The following CDC42BPG variants were observed in gnomAD, a reference collection of about 807,000 sequenced individuals.
CDC42BPG encodes the protein CDC42 binding protein kinase gamma.
A neutral mutation model predicts 192.2 loss-of-function variants in CDC42BPG; 157 were observed. The observed-to-expected ratio is 0.82, with a 90% CI of 0.72 to 0.93. The LOEUF (loss-of-function observed/expected upper bound fraction) is 0.93, where lower values mean the gene tolerates loss of function less well. Among genes scored for constraint, CDC42BPG ranks in the 40% least tolerant of loss-of-function variants. The pLI, the probability that CDC42BPG is intolerant of heterozygous loss-of-function variation, is 0.00. For missense variants in CDC42BPG, 1,992 were observed against 2,122.1 expected (o/e 0.94, Z 1.20); for synonymous variants, 981 against 918.5 (o/e 1.07, Z -1.23).
At chr11:64,843,465 T>A (rs1248111336) in intron 1 of CDC42BPG, among the ~76,000 whole-genome samples, 1 of 151,954 alleles carries the variant, frequency 6.6e-6, no homozygotes, top group Non-Finnish European at 1.5e-5. Flanking sequence ...AGGGGACAAC[T>A]CCCTGGCACA....
At chr11:64,831,108 C>T (rs1942663926) in intron 28 of CDC42BPG, among the ~76,000 whole-genome samples, 1 of 152,120 alleles carries the variant, frequency 6.6e-6, no homozygotes, top group Non-Finnish European at 1.5e-5. Flanking sequence ...ATCCCAGCTA[C>T]TCTGGAGGCT....
chr11:64,844,412 C>G lies in CDC42BPG; in HGVS notation c.158G>C (p.Trp53Ser). Residue 53 changes from tryptophan to serine, a missense_variant and splice_region_variant, in exon 1 of 37, where the codon TGG becomes TCG. Trp to Ser is a radical substitution (Grantham distance 177). Around this residue, in one of 2 missense-constraint regions of CDC42BPG, gnomAD observed 1,656 missense variants for 1,844.3 expected, o/e 0.90. Transcript: ENST00000342711. Reference protein sequence around the residue: ...RERSVAQFLSWASPFVSKVKE... With the variant: ...RERSVAQFLSSASPFVSKVKE... Reference sequence around the variant, plus strand: ...CTCCGTGCCGCCCCGCCACTCACCCCAGCTCAGGAACTGCGCCACGCTGCG... The same window carrying G: ...CTCCGTGCCGCCCCGCCACTCACCCGAGCTCAGGAACTGCGCCACGCTGCG... 2 of 1,464,728 alleles carry G rather than the reference C, an allele frequency of 1.4e-6. No homozygotes were observed. Among genetic ancestry groups the G allele is most frequent in the Middle Eastern group, 2.4e-4 (1 of 4,112 alleles). 90.7% of individuals were successfully genotyped at this position (1,464,728 alleles called of 1,614,324 possible). A position where few individuals can be genotyped will look rare whatever the true frequency, so the allele number is the denominator to read the frequency against.
Position 64,836,711 on chromosome 11 carries a change from G to GGGGC in CDC42BPG, c.1384+27_1384+28insGCCC, listed in dbSNP as rs1555173140. The GGGGC allele has an allele frequency of 6.4e-5, 39 of 608,652 alleles. 2 individuals carry two copies. The highest frequency in any genetic ancestry group is 8.9e-5 in the Non-Finnish European group (36 of 406,104). 37.7% of individuals were successfully genotyped at this position (608,652 alleles called of 1,614,324 possible). Reference sequence around the variant, plus strand: ...GCCCAGGTGGGACTCAGCCCTGGGGGGGGGGGGGGGGTGGGCGGAAGGGAT... The same window carrying GGGGC: ...GCCCAGGTGGGACTCAGCCCTGGGGGGGGCGGGGGGGGGGGTGGGCGGAAGGGAT... On this transcript the variant is annotated intron_variant, in intron 11 of 36. Transcript: ENST00000342711.
At position 64,824,100 on chromosome 11, in the gene CDC42BPG, C is replaced by T. The variant is rs1311572154; in HGVS notation, c.*373G>A. On this transcript the variant is annotated 3_prime_UTR_variant, in exon 37 of 37. Transcript: ENST00000342711. ...GAGTCAGACAGTCCACAGATAAGAC[C>T]TCCAACCTGTTCCCAGAGACCCAGT... 3 of 327,352 alleles carry T rather than the reference C, an allele frequency of 9.2e-6. No homozygotes were observed. Among genetic ancestry groups the T allele is most frequent in the Admixed American group, 4.5e-5 (1 of 22,248 alleles). 20.3% of individuals were successfully genotyped at this position (327,352 alleles called of 1,614,324 possible).
In CDC42BPG at chr11:64,826,808, G is replaced by A; in HGVS notation, c.4390-14C>T. Reference sequence around the variant, plus strand: ...CTCTTCGGGAGCCTGTTGGGTGACAGTGCGGAGGGGCTGGGACTAGCAGGC... The same window carrying A: ...CTCTTCGGGAGCCTGTTGGGTGACAATGCGGAGGGGCTGGGACTAGCAGGC... On this transcript the variant is annotated splice_polypyrimidine_tract_variant and intron_variant, in intron 34 of 36. Coordinates refer to ENST00000342711, the MANE Select transcript of CDC42BPG (RefSeq NM_017525.3). 2 of 1,485,228 alleles carry A rather than the reference G, an allele frequency of 1.3e-6. No homozygotes were observed. The highest frequency in any genetic ancestry group is 2.8e-5 in the South Asian group (2 of 72,672). 92.0% of individuals were successfully genotyped at this position (1,485,228 alleles called of 1,614,324 possible).
rs987430462 is a variant in CDC42BPG, at chr11:64,831,548, G to A, written c.3261C>T (p.Asn1087=). The A allele has an allele frequency of 1.7e-5, 28 of 1,611,794 alleles. No individual in the cohort carries two copies. Among genetic ancestry groups the A allele is most frequent in the Middle Eastern group, 1.7e-4 (1 of 6,054 alleles). ...GCGTGTGAGGCAGCAGCGGCAGCCCGTTGTCGTAAGCCTCCTTGAGTGTGT... is the reference window on the plus strand; with the variant it reads ...GCGTGTGAGGCAGCAGCGGCAGCCCATTGTCGTAAGCCTCCTTGAGTGTGT... ...PVYTLKEAYD[N]GLPLLPHTLC... The change falls in exon 28 of 37, where the codon AAC becomes AAT. Residue 1087 remains asparagine (N), a synonymous_variant. Transcript: ENST00000342711.
chr11:64,833,537 T>G (rs1942811013), intron 23 of CDC42BPG, 63 bp downstream of exon 23: 1 of 1,460,594 alleles, frequency 6.8e-7, no homozygotes, highest in African/African-American at 1.4e-5. Context: ...GTCCCCACAG[T>G]GCCCATTCAG....
rs145015629 is a variant in CDC42BPG, at chr11:64,833,803, C to T, written c.2500G>A (p.Glu834Lys). The T allele has an allele frequency of 6.2e-6, 10 of 1,614,134 alleles. No individual in the cohort carries two copies. The Admixed American group carries it at 1.0e-4, about 16-fold the overall frequency. ...GGCTCTCCTCCATGCCTTGTGGCCT[C>T]TCCTGAGATGCCAGGGTCCTTGGCA... ...DSAKDPGISGEATRHGGEPDL... is the reference protein window; with the variant it reads ...DSAKDPGISGKATRHGGEPDL... Residue 834 changes from glutamate to lysine, a missense_variant, in exon 22 of 37, where the codon GAG (glutamate) becomes AAG (lysine). By Grantham distance (56) the Glu-to-Lys change is moderately conservative (BLOSUM62 1). Around this residue, in one of 2 missense-constraint regions of CDC42BPG, gnomAD observed 1,656 missense variants for 1,844.3 expected, o/e 0.90. Transcript: ENST00000342711.
chr11:64,830,275 G>C lies in CDC42BPG; in HGVS notation c.3305-19C>G, dbSNP rs1942624588. On this transcript the variant is annotated intron_variant, in intron 28 of 36. Transcript: ENST00000342711. ...TCCTGGTCTGGTAGAGGGAGGCAGA[G>C]GGTCAGAGGTCAGCAGTCCCACTCA... is the stretch of plus-strand genomic sequence containing the variant. 11 of 1,592,204 alleles carry C rather than the reference G, an allele frequency of 6.9e-6. No homozygotes were observed. The highest frequency in any genetic ancestry group is 9.4e-6 in the Non-Finnish European group (11 of 1,168,488).
At position 64,831,579 on chromosome 11, in the gene CDC42BPG, G is replaced by A; in HGVS notation, c.3230C>T (p.Pro1077Leu). The A allele has an allele frequency of 2.5e-6, 4 of 1,612,602 alleles. No homozygotes were observed. In the South Asian group the frequency reaches 3.3e-5, roughly 13 times the overall value. The change falls in exon 28 of 37, where the codon CCC becomes CTC. Residue 1077 changes from proline (P) to leucine (L), a missense_variant. Physicochemically the swap from Pro to Leu is moderately conservative, Grantham distance 98 (BLOSUM62 -3). Transcript: ENST00000342711. Reference protein sequence around the residue: ...LLLDARPRPRPVYTLKEAYDN... With the variant: ...LLLDARPRPRLVYTLKEAYDN... ...GTAAGCCTCCTTGAGTGTGTACACG[G>A]GCCGGGGTCTTGGCCGCGCGTCCAG...
At position 64,838,125 on chromosome 11, in the gene CDC42BPG, C is replaced by A; in HGVS notation, c.1163G>T (p.Gly388Val). Residue 388 changes from glycine to valine, a missense_variant, in exon 9 of 37, where the codon GGC becomes GTC. Around this residue, in one of 2 missense-constraint regions of CDC42BPG, gnomAD observed 1,656 missense variants for 1,844.3 expected, o/e 0.90. Coordinates refer to ENST00000342711, the MANE Select transcript of CDC42BPG (RefSeq NM_017525.3). ...LPPPSHGAFS[G>V]HHLPFVGFTY... ...GAAGCCCACGAATGGCAGGTGATGG[C>A]CGGAGAAGGCCCCGTGGGAGGGCGG... 1 of 1,553,498 alleles carries A rather than the reference C, an allele frequency of 6.4e-7. No homozygotes were observed. The highest frequency in any genetic ancestry group is 1.4e-5 in the African/African-American group (1 of 73,388).
intron 2 of CDC42BPG, 37 bp from the exon 3 acceptor site, chr11:64,841,770 G>C (rs745459570): frequency 6.2e-7 from 1 of 1,612,820 alleles, no homozygotes. Context: ...AGCCCAGCCC[G>C]GTGTGAACAC....
chr11:64,824,386 G>C lies in CDC42BPG; in HGVS notation c.*87C>G, dbSNP rs1033643234. ...CCCTGAGTCCGAATTTCCATGTCCC[G>C]GACCAGCCGGAGTATGGCATTCCTC... On this transcript the variant is annotated 3_prime_UTR_variant, in exon 37 of 37. Transcript: ENST00000342711. 1.1e-5 allele frequency: 11 copies of C among 978,562 alleles called. No homozygotes were observed. In the East Asian group the frequency reaches 2.6e-4, roughly 23 times the overall value. 60.6% of individuals were successfully genotyped at this position (978,562 alleles called of 1,614,324 possible).
intron 9 of CDC42BPG, among the ~76,000 whole-genome samples, chr11:64,837,566 T>C (rs1943076446): frequency 6.6e-6 from 1 of 152,346 alleles, no homozygotes; most frequent in African/African-American, 2.4e-5. Context: ...GTTCAAGCGA[T>C]TCTCGCTGCC....
rs1315528156 is a variant in CDC42BPG at position 64,823,471 on chromosome 11, G to GCC, written c.*1000_*1001dup. On this transcript the variant is annotated 3_prime_UTR_variant, in exon 37 of 37. Coordinates refer to ENST00000342711, the MANE Select transcript of CDC42BPG (RefSeq NM_017525.3). The stretch of plus-strand genomic sequence containing the variant: ...ATTTGAGGAGATAAATACTTATTTT[G>GCC]CCCCCCACACTTCAGTGGGGGGAGG... The GCC allele has an allele frequency of 6.6e-6, 1 of 151,992 alleles. No individual in the cohort carries two copies. The highest frequency in any genetic ancestry group is 1.5e-5 in the Non-Finnish European group (1 of 67,996). The allele number at this position is 151,992 out of a possible 1,614,324, so 9.4% of individuals were successfully genotyped here.
rs1383441728 is a variant in CDC42BPG at position 64,829,562 on chromosome 11, T to C, written c.3876A>G (p.Leu1292=). Reference sequence around the variant, plus strand: ...CGTAGATGCCAGCAGTGGTGAAGAGTAGCAGGAACTCGCTGAGGCTAAGCT... The same window carrying C: ...CGTAGATGCCAGCAGTGGTGAAGAGCAGCAGGAACTCGCTGAGGCTAAGCT... ...AVELSLSEFL[L]LFTTAGIYVD... Residue 1292 remains leucine, a synonymous_variant, in exon 30 of 37, where the codon CTA becomes CTG. Coordinates refer to ENST00000342711, the MANE Select transcript of CDC42BPG (RefSeq NM_017525.3). 6.2e-7 allele frequency: 1 copy of C among 1,612,364 alleles called. No individual in the cohort carries two copies. Among genetic ancestry groups the C allele is most frequent in the African/African-American group, 1.3e-5 (1 of 74,860 alleles).
intron 16 of CDC42BPG, 89 bp downstream of exon 16, chr11:64,835,258 G>A (rs1942925415): frequency 6.2e-7 from 1 of 1,608,250 alleles, no homozygotes; most frequent in Non-Finnish European, 8.5e-7. Context: ...TGTCCACCCT[G>A]CTCACTGGCT....
At position 64,829,919 on chromosome 11, in the gene CDC42BPG, G is replaced by T; in HGVS notation, c.3519C>A (p.Ile1173=). 1 of 1,610,802 alleles carries T rather than the reference G, an allele frequency of 6.2e-7. No individual in the cohort carries two copies. Among genetic ancestry groups the T allele is most frequent in the African/African-American group, 1.3e-5 (1 of 74,934 alleles). ...GCACCTGGCAGCCTCGAGACTCGGGGATCTTGGCACCTGCTACCTCTATGT... is the reference window on the plus strand; with the variant it reads ...GCACCTGGCAGCCTCGAGACTCGGGTATCTTGGCACCTGCTACCTCTATGT... ...LENIEVAGAK[I]PESRGCQVLA... The change falls in exon 30 of 37, where the codon ATC becomes ATA. Residue 1173 remains isoleucine, a synonymous_variant. Coordinates refer to ENST00000342711, the MANE Select transcript of CDC42BPG (RefSeq NM_017525.3).
At chr11:64,835,263 C>G in intron 16 of CDC42BPG, 84 bp downstream of exon 16, 1 of 1,609,222 alleles carries the variant, frequency 6.2e-7, no homozygotes, top group Non-Finnish European at 8.5e-7. Flanking sequence ...ACCCTGCTCA[C>G]TGGCTGCAGC....
Sources: allele counts gnomAD v4.1 joint callset (sites outside exome capture counted in the v4.1 genomes callset), GRCh38; gene constraint gnomAD v4.1.1; regional missense constraint gnomAD v4.1.1; transcripts MANE v1.5; gene names NCBI Gene and HGNC (gene_info 2026-07-23, HGNC 2026-07-21).